RGMA: variants seen among roughly 807,000 people sequenced by gnomAD.
The protein encoded by RGMA is repulsive guidance molecule BMP co-receptor a.
Under a neutral mutation model 23.2 loss-of-function variants are expected in RGMA, and 10 were observed. The observed-to-expected ratio is 0.43, with a 90% CI of 0.27 to 0.73. The LOEUF (loss-of-function observed/expected upper bound fraction) is 0.73, where lower values mean the gene tolerates loss of function less well. Among genes scored for constraint, RGMA ranks in the 30% least tolerant of loss-of-function variants. The probability of loss-of-function intolerance (pLI) is 0.20; values close to 1 mark genes in which losing one functional copy is unlikely to be tolerated. For synonymous variants in RGMA, 308 were observed against 279.3 expected (o/e 1.10, Z -1.03); for missense variants, 547 against 630.5 (o/e 0.87, Z 1.42).
chr15:93,085,936 A>T (rs1895628163), intron 1 of RGMA, among the ~76,000 whole-genome samples: 1 of 152,224 alleles, frequency 6.6e-6, no homozygotes, highest in Non-Finnish European at 1.5e-5. Flanking sequence ...TACTTGGGTA[A>T]GGCAATCCTT....
intron 2 of RGMA, among the ~76,000 whole-genome samples, chr15:93,057,544 G>C (rs1179442017): frequency 2.0e-5 from 3 of 152,158 alleles, no homozygotes; most frequent in Non-Finnish European, 4.4e-5. Flanking sequence ...CCCACCTCCA[G>C]AACGCTGAGA....
chr15:93,082,750 T>G (rs1434377857), intron 1 of RGMA, among the ~76,000 whole-genome samples: 97 of 152,362 alleles, frequency 6.4e-4, no homozygotes, highest in Non-Finnish European at 5.9e-5. Flanking sequence ...CCAAAGAAAT[T>G]GAAATAATTA....
chr15:93,062,343 C>G (rs1247045745), intron 2 of RGMA, among the ~76,000 whole-genome samples: 1 of 152,228 alleles, frequency 6.6e-6, no homozygotes, highest in African/African-American at 2.4e-5. Flanking sequence ...TTCATCTCAA[C>G]ACTTAACAGC....
rs1053245700 is a variant in RGMA, at chr15:93,040,591, A to G, written c.*4407T>C. The G allele has an allele frequency of 6.6e-6, 1 of 151,504 alleles. No homozygotes were observed. Among genetic ancestry groups the G allele is most frequent in the Non-Finnish European group, 1.5e-5 (1 of 67,934 alleles). The allele number at this position is 151,504 out of a possible 1,614,324, so 9.4% of individuals were successfully genotyped here. A position where few individuals can be genotyped will look rare whatever the true frequency, so the allele number is the denominator to read the frequency against. ...CCCTTCTCACCCTCCTGCAATCCAA[A>G]ATGTGTGTCTCTCGGAACCTCTGGC... On this transcript the variant is annotated 3_prime_UTR_variant, in exon 4 of 4. Coordinates refer to ENST00000329082, the MANE Select transcript of RGMA (RefSeq NM_020211.3).
At chr15:93,064,369 G>A (rs11637609) in intron 2 of RGMA, among the ~76,000 whole-genome samples, 28,984 of 152,228 alleles carry the variant, frequency 0.19, 3,071 homozygotes, top group Middle Eastern at 0.35. Context: ...CTCCAGCTTT[G>A]AGGCATACCT....
intron 1 of RGMA, chr15:93,073,546 G>A (rs1311386808): frequency 6.6e-7 from 1 of 1,505,518 alleles, no homozygotes; most frequent in Admixed American, 2.0e-5. Context: ...TGTCCTTGGA[G>A]GCAAATCCCA....
intron 3 of RGMA, among the ~76,000 whole-genome samples, chr15:93,050,993 CG>C (rs1275359770): frequency 1.3e-5 from 2 of 152,088 alleles, no homozygotes; most frequent in Non-Finnish European, 2.9e-5. Context: ...CGGAGGGCTG[CG>C]GGGGCACAGG....
intron 1 of RGMA, among the ~76,000 whole-genome samples, chr15:93,080,618 G>A (rs1003840445): frequency 3.9e-5 from 6 of 152,130 alleles, no homozygotes; most frequent in African/African-American, 9.7e-5. Context: ...CAGAAGCAAC[G>A]ACTCCCTCTG....
intron 3 of RGMA, among the ~76,000 whole-genome samples, chr15:93,047,131 T>C (rs2054836478): frequency 6.6e-6 from 1 of 152,046 alleles, no homozygotes; most frequent in African/African-American, 2.4e-5. Context: ...CTCTGGGCTC[T>C]CTTGGCCACA....
At chr15:93,047,697 C>T (rs1256937698) in intron 3 of RGMA, among the ~76,000 whole-genome samples, 1 of 152,208 alleles carries the variant, frequency 6.6e-6, no homozygotes, top group Non-Finnish European at 1.5e-5. Flanking sequence ...CAAGGGGGAG[C>T]TGCTGATGAC....
chr15:93,078,417 C>G (rs1417468111), intron 1 of RGMA, among the ~76,000 whole-genome samples: 1 of 152,198 alleles, frequency 6.6e-6, no homozygotes, highest in Non-Finnish European at 1.5e-5. Flanking sequence ...CAGACCATGT[C>G]TTGAGGAACT....
chr15:93,082,154 A>G (rs1336259665), intron 1 of RGMA, among the ~76,000 whole-genome samples: 2 of 152,248 alleles, frequency 1.3e-5, no homozygotes, highest in Non-Finnish European at 2.9e-5. Context: ...AGTTGCCAAT[A>G]TTCATTTTAT....
intron 3 of RGMA, among the ~76,000 whole-genome samples, chr15:93,051,735 G>A (rs1465417603): frequency 6.6e-6 from 1 of 152,238 alleles, no homozygotes; most frequent in African/African-American, 2.4e-5. Flanking sequence ...GGGGTGGGAA[G>A]GTCACTTGGC....
intron 3 of RGMA, among the ~76,000 whole-genome samples, chr15:93,048,585 T>C (rs2054866166): frequency 6.6e-6 from 1 of 152,036 alleles, no homozygotes; most frequent in Non-Finnish European, 1.5e-5. Flanking sequence ...ACGGCACACT[T>C]CCCATTTGCC....
chr15:93,072,675 C>A (rs1479557608), intron 2 of RGMA, among the ~76,000 whole-genome samples: 20 of 152,154 alleles, frequency 1.3e-4, no homozygotes, highest in Admixed American at 1.3e-3. Context: ...CCGGCCCCTG[C>A]GCCCTCCCCA....
rs530138380 is a variant in RGMA at position 93,041,283 on chromosome 15, G to A, written c.*3715C>T. ...ACACATCAGTGAGACAGGATGGGGC[G>A]GGGAGAGGCGCCCACCTCCGTGTGC... On this transcript the variant is annotated 3_prime_UTR_variant, in exon 4 of 4. Coordinates refer to ENST00000329082, the MANE Select transcript of RGMA (RefSeq NM_020211.3). 10 of 152,362 alleles carry A rather than the reference G, an allele frequency of 6.6e-5. No homozygotes were observed. Among genetic ancestry groups the A allele is most frequent in the African/African-American group, 2.4e-4 (10 of 41,590 alleles). 9.4% of individuals were successfully genotyped at this position (152,362 alleles called of 1,614,324 possible).
intron 2 of RGMA, among the ~76,000 whole-genome samples, chr15:93,072,003 A>C (rs1895342356): frequency 6.6e-6 from 1 of 152,262 alleles, no homozygotes. Flanking sequence ...AAAGGGCTTA[A>C]CTGGCGTTTT....
chr15:93,077,741 G>A (rs1389590299), intron 1 of RGMA, among the ~76,000 whole-genome samples: 1 of 152,206 alleles, frequency 6.6e-6, no homozygotes, highest in Non-Finnish European at 1.5e-5. Context: ...CAGCTGCCCT[G>A]TCGCCCAGGA....
At chr15:93,069,585 A>C (rs772622122) in intron 2 of RGMA, among the ~76,000 whole-genome samples, 17 of 152,222 alleles carry the variant, frequency 1.1e-4, no homozygotes, top group Non-Finnish European at 7.3e-5. Context: ...GGAACAAAGA[A>C]AGTCTGGAGT....
Sources: allele counts gnomAD v4.1 joint callset (sites outside exome capture counted in the v4.1 genomes callset), GRCh38; gene constraint gnomAD v4.1.1; transcripts MANE v1.5; gene names NCBI Gene and HGNC (gene_info 2026-07-23, HGNC 2026-07-21).